The following RNASEL variants were observed in gnomAD, a reference collection of about 807,000 sequenced individuals.
The protein encoded by RNASEL is 2-5A-dependent ribonuclease.
RNASEL carries 36 observed loss-of-function variants against 50.9 expected under a neutral mutation model. The observed-to-expected ratio is 0.71, with a 90% CI of 0.54 to 0.93. The LOEUF (loss-of-function observed/expected upper bound fraction) is 0.93. Ranked by LOEUF, RNASEL falls within the 40% of genes least tolerant of loss-of-function variation. RNASEL has a pLI of 0.00. For synonymous variants in RNASEL, 335 were observed against 335.6 expected (o/e 1.00, Z 0.02); for missense variants, 860 against 894.5 (o/e 0.96, Z 0.49).
In RNASEL at chr1:182,581,362, A is replaced by AG. The variant is rs1259512631; in HGVS notation, c.1773-6dup. On this transcript the variant is annotated splice_polypyrimidine_tract_variant and splice_region_variant and intron_variant, in intron 4 of 6. Transcript: ENST00000367559. The stretch of plus-strand genomic sequence containing the variant: ...TTCCGAAGCGTCCTATAGCGGCTGA[A>AG]GATGACTAAATGATCTAAATGATCA... 5 of 1,613,952 alleles carry AG rather than the reference A, an allele frequency of 3.1e-6. No individual in the cohort carries two copies. The highest frequency in any genetic ancestry group is 4.2e-6 in the Non-Finnish European group (5 of 1,180,020).
Position 182,586,133 on chromosome 1 carries a change from A to G in RNASEL, c.674T>C (p.Leu225Pro). The part of the protein sequence containing the change: ...DSDVEAITHL[L>P]LDHGADVNVR... Reference sequence around the variant, plus strand: ...ATTGACATCAGCCCCATGGTCCAGCAGCAGATGCGTAATAGCCTCCACATC... The same window carrying G: ...ATTGACATCAGCCCCATGGTCCAGCGGCAGATGCGTAATAGCCTCCACATC... Residue 225 changes from leucine (L) to proline (P), a missense_variant, in exon 2 of 7, where the codon CTG becomes CCG. Transcript: ENST00000367559. 1 of 1,614,210 alleles carries G rather than the reference A, an allele frequency of 6.2e-7. No homozygotes were observed. The highest frequency in any genetic ancestry group is 8.5e-7 in the Non-Finnish European group (1 of 1,180,038).
chr1:182,579,958 T>C (rs1460232845), intron 5 of RNASEL: 1 of 457,380 alleles, frequency 2.2e-6, no homozygotes, highest in Non-Finnish European at 4.4e-6. Context: ...CACCCCTTAC[T>C]GGTTCTGTGT....
In RNASEL at chr1:182,574,696, T is replaced by G; in HGVS notation, c.*696A>C. On this transcript the variant is annotated 3_prime_UTR_variant, in exon 7 of 7. Coordinates refer to ENST00000367559, the MANE Select transcript of RNASEL (RefSeq NM_021133.4). ...TGACACCAAAAACTTCTTCAGACTC[T>G]GCCAAATGCTCTCTTCAGTGCAAAA... 4.3e-6 allele frequency: 1 copy of G among 232,944 alleles called. No homozygotes were observed. The highest frequency in any genetic ancestry group is 8.5e-6 in the Non-Finnish European group (1 of 117,984). The allele number at this position is 232,944 out of a possible 1,614,324, so 14.4% of individuals were successfully genotyped here.
At position 182,586,243 on chromosome 1, in the gene RNASEL, A is replaced by G; in HGVS notation, c.564T>C (p.Leu188=). The G allele has an allele frequency of 6.2e-7, 1 of 1,614,152 alleles. No individual in the cohort carries two copies. The highest frequency in any genetic ancestry group is 1.1e-5 in the South Asian group (1 of 91,080). Residue 188 remains leucine (L), a synonymous_variant, in exon 2 of 7, where the codon CTT becomes CTC. Transcript: ENST00000367559. ...KGHVEVLKIL[L]DEMGADVNAC... ...CGTTTACATCTGCCCCCATCTCATC[A>G]AGGAGAATCTTCAAGACCTCTACGT...
chr1:182,575,730 G>A, intron 6 of RNASEL, 152 bp from the exon 7 acceptor site: 1 of 983,958 alleles, frequency 1.0e-6, no homozygotes, highest in Admixed American at 2.1e-5. Flanking sequence ...CTCCTCCCCT[G>A]ACTCTTCAAC....
At position 182,585,323 on chromosome 1, in the gene RNASEL, T is replaced by C. The variant is rs770038490; in HGVS notation, c.1480+4A>G. On this transcript the variant is annotated splice_donor_region_variant and intron_variant, in intron 2 of 6. Transcript: ENST00000367559. ...TAAGAGAGAATTGGGGATTGGGGAC[T>C]CACCTATTAAGATGTTTTGTGGTTG... The C allele has an allele frequency of 6.2e-7, 1 of 1,613,688 alleles. No homozygotes were observed. The highest frequency in any genetic ancestry group is 8.5e-7 in the Non-Finnish European group (1 of 1,179,802).
chr1:182,584,654 C>T (rs1661558002), intron 2 of RNASEL, among the ~76,000 whole-genome samples: 1 of 152,116 alleles, frequency 6.6e-6, no homozygotes, highest in Non-Finnish European at 1.5e-5. Context: ...ACGAAGGAGG[C>T]ATTATCAGCC....
chr1:182,584,108 A>C lies in RNASEL; in HGVS notation c.1539T>G (p.Asp513Glu). 2.5e-6 allele frequency: 4 copies of C among 1,613,968 alleles called. No individual in the cohort carries two copies. Among genetic ancestry groups the C allele is most frequent in the Non-Finnish European group, 3.4e-6 (4 of 1,179,850 alleles). The change falls in exon 3 of 7, where the codon GAT becomes GAG. Residue 513 changes from aspartate (D) to glutamate (E), a missense_variant. Asp to Glu is a conservative substitution (Grantham distance 45). Transcript: ENST00000367559. ...CTAGATCTCTCTTGACTTCCTGTGG[A>C]TCTCCAGCCCACTTGATGCTCTTAT... ...DFDKSIKWAG[D>E]PQEVKRDLED... is the part of the protein sequence containing the mutation.
At chr1:182,579,800 G>T in intron 5 of RNASEL, 1 of 1,047,440 alleles carries the variant, frequency 9.5e-7, no homozygotes, top group Non-Finnish European at 1.3e-6. Flanking sequence ...TGACTGTCCA[G>T]CATGAGTAAT....
In RNASEL at chr1:182,582,253, A is replaced by G; in HGVS notation, c.1572T>C (p.Leu524=). The G allele has an allele frequency of 6.2e-7, 1 of 1,614,196 alleles. No homozygotes were observed. The highest frequency in any genetic ancestry group is 8.5e-7 in the Non-Finnish European group (1 of 1,179,996). The change falls in exon 4 of 7, where the codon CTT becomes CTC. Residue 524 remains leucine, a synonymous_variant. Transcript: ENST00000367559. Reference sequence around the variant, plus strand: ...TTACCACATAGAGGACCAGCCGTCCAAGGTCCTGCACAAAAGCCATAAATC... The same window carrying G: ...TTACCACATAGAGGACCAGCCGTCCGAGGTCCTGCACAAAAGCCATAAATC... ...PQEVKRDLED[L]GRLVLYVVKK...
In RNASEL at chr1:182,575,492, T is replaced by A; in HGVS notation, c.2126A>T (p.Asn709Ile). 1.2e-6 allele frequency: 2 copies of A among 1,614,212 alleles called. No homozygotes were observed. Among genetic ancestry groups the A allele is most frequent in the African/African-American group, 2.7e-5 (2 of 75,046 alleles). Reference sequence around the variant, plus strand: ...GGGGAAATGCTTTCTATATTCTGTGTTCTGTAGTTTTGTGTAGACATAGAT... The same window carrying A: ...GGGGAAATGCTTTCTATATTCTGTGATCTGTAGTTTTGTGTAGACATAGAT... ...LVIYVYTKLQ[N>I]TEYRKHFPQT... Residue 709 changes from asparagine to isoleucine, a missense_variant, in exon 7 of 7, where the codon AAC becomes ATC. By Grantham distance (149) the Asn-to-Ile change is moderately radical. Coordinates refer to ENST00000367559, the MANE Select transcript of RNASEL (RefSeq NM_021133.4).
At chr1:182,583,838 G>A (rs772296213) in intron 3 of RNASEL, among the ~76,000 whole-genome samples, 1 of 152,130 alleles carries the variant, frequency 6.6e-6, no homozygotes, top group East Asian at 1.9e-4. Context: ...CTGCACTGTC[G>A]GCTTCCCTAC....
In RNASEL at chr1:182,586,954, G is replaced by A. The variant is rs573502888; in HGVS notation, c.-148C>T. 1.2e-3 allele frequency: 1,231 copies of A among 1,027,916 alleles called. 1 individual carries two copies. The highest frequency in any genetic ancestry group is 1.6e-3 in the Non-Finnish European group (1,089 of 678,894). 63.7% of individuals were successfully genotyped at this position (1,027,916 alleles called of 1,614,324 possible). A position where few individuals can be genotyped will look rare whatever the true frequency, so the allele number is the denominator to read the frequency against. ...GTATGAAGAAGGAACAATGTTCTCA[G>A]TCTTCTGACATTCCACCTGGCAACG... On this transcript the variant is annotated 5_prime_UTR_variant, in exon 2 of 7. Coordinates refer to ENST00000367559, the MANE Select transcript of RNASEL (RefSeq NM_021133.4).
rs1433505438 is a variant in RNASEL, at chr1:182,585,369, C to CA, written c.1437dup (p.Gly480TrpfsTer17). On this transcript the variant is annotated frameshift_variant, in exon 2 of 7. Coordinates refer to ENST00000367559, the MANE Select transcript of RNASEL (RefSeq NM_021133.4). LOFTEE classifies it high-confidence loss of function. ...GGTTGCAGATCCTGGTGGGTGTATC[C>CA]ACAGGACAAGTGTAGTTCTTGAACA... 4.3e-6 allele frequency: 7 copies of CA among 1,613,988 alleles called. No homozygotes were observed. The highest frequency in any genetic ancestry group is 5.9e-6 in the Non-Finnish European group (7 of 1,180,004).
intron 5 of RNASEL, 150 bp downstream of exon 5, chr1:182,581,074 AG>A: frequency 8.9e-7 from 1 of 1,117,522 alleles, no homozygotes; most frequent in South Asian, 1.3e-5. Context: ...CAGGGAGCCT[AG>A]GGGGATAGGG....
At position 182,585,763 on chromosome 1, in the gene RNASEL, C is replaced by G. The variant is rs368121242; in HGVS notation, c.1044G>C (p.Lys348Asn). The change falls in exon 2 of 7, where the codon AAG becomes AAC. Residue 348 changes from lysine (K) to asparagine (N), a missense_variant. Transcript: ENST00000367559. ...PQSSHWGAAL[K>N]DLHRIYRPMI... The stretch of plus-strand genomic sequence containing the variant: ...TAGGGCGGTATATTCTGTGGAGATC[C>G]TTCAGGGCTGCCCCCCAGTGTGAGC... 22 of 1,613,894 alleles carry G rather than the reference C, an allele frequency of 1.4e-5. No individual in the cohort carries two copies. The highest frequency in any genetic ancestry group is 1.9e-5 in the Non-Finnish European group (22 of 1,180,002).
rs1661588547 is a variant in RNASEL at position 182,586,032 on chromosome 1, G to GAAGCCTCTGCAC, written c.763_774dup (p.Val255_Leu258dup). Reference sequence around the variant, plus strand: ...TTAATCTCTATGTGCTCTTGCTCCAGAAGCCTCTGCACCAAACCCAAGTGC... The same window carrying GAAGCCTCTGCAC: ...TTAATCTCTATGTGCTCTTGCTCCAGAAGCCTCTGCACAAGCCTCTGCACCAAACCCAAGTGC... On this transcript the variant is annotated inframe_insertion, in exon 2 of 7. Coordinates refer to ENST00000367559, the MANE Select transcript of RNASEL (RefSeq NM_021133.4). 5 of 1,613,902 alleles carry GAAGCCTCTGCAC rather than the reference G, an allele frequency of 3.1e-6. No individual in the cohort carries two copies. Among genetic ancestry groups the GAAGCCTCTGCAC allele is most frequent in the Admixed American group, 1.7e-5 (1 of 59,998 alleles).
intron 1 of RNASEL, among the ~76,000 whole-genome samples, chr1:182,587,745 G>C (rs1661628677): frequency 6.6e-6 from 1 of 152,018 alleles, no homozygotes; most frequent in African/African-American, 2.4e-5. Flanking sequence ...ATGTCACCAG[G>C]AAGGTTGATC....
Position 182,575,520 on chromosome 1 carries a change from C to T in RNASEL, c.2098G>A (p.Val700Met), listed in dbSNP as rs767009828. ...TGTAGTTTTGTGTAGACATAGATCA[C>T]CAGATCTGGAAATGTCTTCTGAAAA... ...LYFQKTFPDLVIYVYTKLQNT... is the reference protein window; with the variant it reads ...LYFQKTFPDLMIYVYTKLQNT... Residue 700 changes from valine (V) to methionine (M), a missense_variant, in exon 7 of 7, where the codon GTG becomes ATG. By Grantham distance (21) the Val-to-Met change is conservative. Coordinates refer to ENST00000367559, the MANE Select transcript of RNASEL (RefSeq NM_021133.4). 35 of 1,613,974 alleles carry T rather than the reference C, an allele frequency of 2.2e-5. No individual in the cohort carries two copies. The highest frequency in any genetic ancestry group is 2.6e-5 in the Non-Finnish European group (31 of 1,179,994).
Sources: gnomAD v4.1 joint callset for allele counts (sites outside exome capture counted in the v4.1 genomes callset) on GRCh38, gnomAD v4.1.1 for gene constraint, MANE v1.5 for transcripts, NCBI Gene and HGNC (gene_info 2026-07-23, HGNC 2026-07-21) for gene names.